The following DRD3 variants were observed in gnomAD, a reference collection of about 807,000 sequenced individuals.
DRD3 encodes D(3) dopamine receptor.
DRD3 carries 19 observed loss-of-function variants against 36.3 expected under a neutral mutation model. The ratio of observed to expected loss-of-function variants is 0.52; its 90% CI spans 0.36 to 0.77. The LOEUF is 0.77. Ranked by LOEUF, DRD3 falls within the 30% of genes least tolerant of loss-of-function variation. The pLI is 0.00. For missense variants in DRD3, 465 were observed against 505.3 expected (o/e 0.92, Z 0.77); for synonymous variants, 195 against 203.7 (o/e 0.96, Z 0.36).
At position 114,150,939 on chromosome 3, in the gene DRD3, GT is replaced by G. The variant is rs371606661; in HGVS notation, c.384-3383del. Among the ~76,000 whole-genome samples, 74 of 152,334 alleles carry G rather than the reference GT, an allele frequency of 4.9e-4. No individual in the cohort carries two copies. In the East Asian group the frequency reaches 0.013, roughly 26 times the overall value. ...GTGAGTTCTGAGATGAAGGTAAACT[GT>G]GCAGGACTTGGCCTTGACACCATGC... On this transcript the variant is annotated intron_variant, in intron 3 of 6. Coordinates refer to ENST00000383673, the MANE Select transcript of DRD3 (RefSeq NM_000796.6).
chr3:114,141,134 C>A (rs982700425), intron 4 of DRD3, among the ~76,000 whole-genome samples: 1 of 152,204 alleles, frequency 6.6e-6, no homozygotes, highest in Non-Finnish European at 1.5e-5. Flanking sequence ...CAGGTTCAAG[C>A]GATTCTCCTG....
chr3:114,134,292 C>A (rs991837368), intron 5 of DRD3, among the ~76,000 whole-genome samples: 1 of 152,212 alleles, frequency 6.6e-6, no homozygotes, highest in Admixed American at 6.5e-5. Context: ...GAAATGAGGT[C>A]TTGCTATGTT....
At chr3:114,172,195 C>T (rs324026) in intron 1 of DRD3, among the ~76,000 whole-genome samples, 168 bp from the exon 2 acceptor site, 83,201 of 152,090 alleles carry the variant, frequency 0.55, 25,273 homozygotes, top group East Asian at 0.7. Flanking sequence ...CAGATAAAAT[C>T]TTAATTCCTT....
intron 5 of DRD3, among the ~76,000 whole-genome samples, chr3:114,133,057 C>G (rs542712504): frequency 8.0e-5 from 12 of 150,566 alleles, no homozygotes; most frequent in Non-Finnish European, 1.8e-4. Flanking sequence ...GTGGTGTGAT[C>G]TCGGTTCACT....
intron 5 of DRD3, among the ~76,000 whole-genome samples, chr3:114,137,408 A>G (rs2077483901): frequency 6.6e-6 from 1 of 152,204 alleles, no homozygotes; most frequent in Non-Finnish European, 1.5e-5. Context: ...TGAATGCAAT[A>G]CTTTCATATC....
rs34500434 is a variant in DRD3 at position 114,164,220 on chromosome 3, C to CAAAAAAAA, written c.271-4361_271-4354dup. Among the ~76,000 whole-genome samples, 73 of 17,768 alleles carry CAAAAAAAA rather than the reference C, an allele frequency of 4.1e-3. 2 individuals carry two copies. Among genetic ancestry groups the CAAAAAAAA allele is most frequent in the East Asian group, 6.2e-3 (2 of 324 alleles). 11.7% of individuals were successfully genotyped at this position (17,768 alleles called of 152,430 possible). On this transcript the variant is annotated intron_variant, in intron 2 of 6. Transcript: ENST00000383673. Reference sequence around the variant, plus strand: ...TGGGTGATAGAGCGAGCCTCAGTCTCAAAAAAAAAAAAAAAAAAAAAAAAA... The same window carrying CAAAAAAAA: ...TGGGTGATAGAGCGAGCCTCAGTCTCAAAAAAAAAAAAAAAAAAAAAAAAAAAAAAAAA...
At chr3:114,157,736 C>CT (rs2077695543) in intron 3 of DRD3, among the ~76,000 whole-genome samples, 1 of 152,134 alleles carries the variant, frequency 6.6e-6, no homozygotes, top group Non-Finnish European at 1.5e-5. Flanking sequence ...ACTTGGTTGG[C>CT]TAGCCAACTG....
intron 2 of DRD3, among the ~76,000 whole-genome samples, chr3:114,167,714 A>T (rs979390038): frequency 6.6e-6 from 1 of 152,216 alleles, no homozygotes; most frequent in Admixed American, 6.5e-5. Flanking sequence ...TATCTTTTCA[A>T]TAAATAGTCC....
At chr3:114,137,016 C>T (rs988386048) in intron 5 of DRD3, among the ~76,000 whole-genome samples, 1 of 152,224 alleles carries the variant, frequency 6.6e-6, no homozygotes, top group Non-Finnish European at 1.5e-5. Flanking sequence ...TCATTGGCTC[C>T]AGTCACTAAG....
At chr3:114,147,928 C>CTA (rs2077583455) in intron 3 of DRD3, among the ~76,000 whole-genome samples, 1 of 152,102 alleles carries the variant, frequency 6.6e-6, no homozygotes, top group Non-Finnish European at 1.5e-5. Context: ...CGTGAGCCAC[C>CTA]AAGTCCAGTG....
chr3:114,171,040 A>G (rs2077835628), intron 2 of DRD3, among the ~76,000 whole-genome samples: 1 of 152,206 alleles, frequency 6.6e-6, no homozygotes. Context: ...AAATACTTTC[A>G]AATTTAATAA....
At position 114,164,153 on chromosome 3, in the gene DRD3, G is replaced by A. The variant is rs190470174; in HGVS notation, c.271-4286C>T. Reference sequence around the variant, plus strand: ...CGAGAATTGCTTGAACCCGGGAGGCGGAGGTTACAGTGAGCCGAAATCTCA... The same window carrying A: ...CGAGAATTGCTTGAACCCGGGAGGCAGAGGTTACAGTGAGCCGAAATCTCA... On this transcript the variant is annotated intron_variant, in intron 2 of 6. Transcript: ENST00000383673. 2.1e-3 allele frequency among the ~76,000 whole-genome samples: 301 copies of A among 142,574 alleles called. 2 individuals are homozygous for A. Among genetic ancestry groups the A allele is most frequent in the Middle Eastern group, 7.6e-3 (2 of 262 alleles). 93.5% of individuals were successfully genotyped at this position (142,574 alleles called of 152,430 possible). A position where few individuals can be genotyped will look rare whatever the true frequency, so the allele number is the denominator to read the frequency against.
At chr3:114,173,163 A>G (rs1317274624) in intron 1 of DRD3, among the ~76,000 whole-genome samples, 2 of 152,180 alleles carry the variant, frequency 1.3e-5, no homozygotes, top group African/African-American at 4.8e-5. Context: ...AAAGACAGCC[A>G]TCTATGAACC....
At position 114,139,546 on chromosome 3, in the gene DRD3, C is replaced by T. The variant is rs759075049; in HGVS notation, c.677G>A (p.Arg226Gln). The change falls in exon 5 of 7, where the codon CGA (arginine) becomes CAA (glutamine). Residue 226 changes from arginine (R) to glutamine (Q), a missense_variant. Arg to Gln is a conservative substitution (Grantham distance 43). Coordinates refer to ENST00000383673, the MANE Select transcript of DRD3 (RefSeq NM_000796.6). Reference protein sequence around the residue: ...KQRRRKRILTRQNSQCNSVRP... With the variant: ...KQRRRKRILTQQNSQCNSVRP... ...GACACTGTTGCACTGACTGTTCTGT[C>T]GAGTGAGGATCCTTTTCCGTCTCCT... 3.7e-6 allele frequency: 6 copies of T among 1,614,054 alleles called. No homozygotes were observed. Among genetic ancestry groups the T allele is most frequent in the South Asian group, 1.1e-5 (1 of 91,060 alleles).
chr3:114,129,622 T>C (rs575567739), intron 6 of DRD3, among the ~76,000 whole-genome samples: 29 of 152,340 alleles, frequency 1.9e-4, no homozygotes, highest in African/African-American at 6.5e-4. Flanking sequence ...TTCCTGCTGT[T>C]GAGGAGATTA....
intron 1 of DRD3, among the ~76,000 whole-genome samples, chr3:114,175,420 A>G (rs1437963150): frequency 1.3e-5 from 2 of 152,168 alleles, no homozygotes; most frequent in Non-Finnish European, 2.9e-5. Flanking sequence ...TCATGTCAAC[A>G]TTCATGATGA....
rs780771836 is a variant in DRD3 at position 114,128,690 on chromosome 3, C to A, written c.*26G>T. 1 of 1,561,062 alleles carries A rather than the reference C, an allele frequency of 6.4e-7. No homozygotes were observed. Among genetic ancestry groups the A allele is most frequent in the Admixed American group, 1.8e-5 (1 of 55,270 alleles). On this transcript the variant is annotated 3_prime_UTR_variant, in exon 7 of 7. Coordinates refer to ENST00000383673, the MANE Select transcript of DRD3 (RefSeq NM_000796.6). ...ACAGCCTGGCAGCTAGAAATGGGTACAAAGAGTGTTCCCTCTTCTGCTCCC... is the reference window on the plus strand; with the variant it reads ...ACAGCCTGGCAGCTAGAAATGGGTAAAAAGAGTGTTCCCTCTTCTGCTCCC...
intron 1 of DRD3, among the ~76,000 whole-genome samples, chr3:114,190,103 T>A (rs2077996144): frequency 6.6e-6 from 1 of 152,022 alleles, no homozygotes; most frequent in African/African-American, 2.4e-5. Flanking sequence ...TAATTTTAGC[T>A]CTTTTACATA....
At chr3:114,156,768 T>C (rs1173121782) in intron 3 of DRD3, among the ~76,000 whole-genome samples, 1 of 110,020 alleles carries the variant, frequency 9.1e-6, no homozygotes, top group Non-Finnish European at 2.0e-5. Flanking sequence ...TCTTTCTTTC[T>C]TTCTTTCTTT....
Sources: allele counts gnomAD v4.1 joint callset (sites outside exome capture counted in the v4.1 genomes callset), GRCh38; gene constraint gnomAD v4.1.1; transcripts MANE v1.5; gene names NCBI Gene and HGNC (gene_info 2026-07-23, HGNC 2026-07-21).